The following CUX2 variants were observed in gnomAD, a reference collection of about 807,000 sequenced individuals.
CUX2 encodes the protein homeobox protein cut-like 2.
In CUX2, 40 loss-of-function variants were observed where a neutral mutation model predicts 144.8. The ratio of observed to expected loss-of-function variants is 0.28; its 90% CI spans 0.21 to 0.36. The LOEUF is 0.36. Ranked by LOEUF, CUX2 falls within the 10% of genes least tolerant of loss-of-function variation. CUX2 has a pLI of 1.00. For synonymous variants in CUX2, 827 were observed against 875.6 expected (o/e 0.94, Z 0.98); for missense variants, 1,615 against 1,994.0 (o/e 0.81, Z 3.62).
At chr12:111,228,700 A>G (rs1882307038) in intron 3 of CUX2, among the ~76,000 whole-genome samples, 1 of 152,144 alleles carries the variant, frequency 6.6e-6, no homozygotes, top group South Asian at 2.1e-4. Flanking sequence ...CTAGGATTAC[A>G]GGTGTGAGCC....
rs766267755 is a variant in CUX2 at position 111,322,409 on chromosome 12, C to T, written c.2767-12C>T. The T allele has an allele frequency of 9.0e-6, 14 of 1,549,914 alleles. No homozygotes were observed. Among genetic ancestry groups the T allele is most frequent in the South Asian group, 3.6e-5 (3 of 84,092 alleles). Reference sequence around the variant, plus strand: ...GGCCTGCTGACCTACCCCCCTGGCCCGCCCCTCGCAGGTGCTGGGCCTGTC... The same window carrying T: ...GGCCTGCTGACCTACCCCCCTGGCCTGCCCCTCGCAGGTGCTGGGCCTGTC... On this transcript the variant is annotated splice_polypyrimidine_tract_variant and intron_variant, in intron 17 of 21. Coordinates refer to ENST00000261726, the MANE Select transcript of CUX2 (RefSeq NM_015267.4). The surrounding 1 kb of genome is among the most constrained non-coding windows in gnomAD (Gnocchi z 4.2).
chr12:111,340,474 C>T (rs567563007), intron 20 of CUX2, among the ~76,000 whole-genome samples: 1 of 152,212 alleles, frequency 6.6e-6, no homozygotes, highest in Admixed American at 6.5e-5. Context: ...TTTGGAAGGC[C>T]AAGGTGGGAG....
At chr12:111,329,772 G>A (rs1430186893) in intron 18 of CUX2, among the ~76,000 whole-genome samples, 1 of 152,116 alleles carries the variant, frequency 6.6e-6, no homozygotes, top group East Asian at 1.9e-4. Flanking sequence ...AGTAGCTGGG[G>A]CTACAGGTGT....
chr12:111,347,118 G>A (rs1215642554), intron 21 of CUX2, among the ~76,000 whole-genome samples: 2 of 152,218 alleles, frequency 1.3e-5, no homozygotes, highest in East Asian at 3.8e-4. Flanking sequence ...AAGAACCGGT[G>A]TGTATTGTAC....
intron 1 of CUX2, among the ~76,000 whole-genome samples, chr12:111,142,136 C>A (rs2136124531): frequency 6.6e-6 from 1 of 152,244 alleles, no homozygotes; most frequent in Middle Eastern, 3.4e-3. Flanking sequence ...TATAGGATGC[C>A]TTTCCTAGCA....
intron 1 of CUX2, among the ~76,000 whole-genome samples, chr12:111,212,515 A>C (rs1265762122): frequency 6.6e-6 from 1 of 152,144 alleles, no homozygotes; most frequent in African/African-American, 2.4e-5. Context: ...CAGCCTCCCA[A>C]GTAGCTTGGA....
intron 14 of CUX2, 130 bp downstream of exon 14, chr12:111,308,656 G>A: frequency 1.3e-6 from 1 of 748,972 alleles, no homozygotes. Context: ...GGTGTGCATT[G>A]ATTTGGCACC....
At position 111,171,819 on chromosome 12, in the gene CUX2, C is replaced by T. The variant is rs1239388603; in HGVS notation, c.64-42381C>T. On this transcript the variant is annotated intron_variant, in intron 1 of 21. Transcript: ENST00000261726. The surrounding 1 kb of genome is among the most constrained non-coding windows in gnomAD (Gnocchi z 5.0). ...GAAGGCAGAGCTTGGGAAATTGGCC[C>T]TCTGTCTTCTCCCATCCAGATATGT... Among the ~76,000 whole-genome samples, 2 of 152,246 alleles carry T rather than the reference C, an allele frequency of 1.3e-5. No individual in the cohort carries two copies. The highest frequency in any genetic ancestry group is 2.9e-5 in the Non-Finnish European group (2 of 68,048).
At chr12:111,063,218 G>T (rs557991566) in intron 1 of CUX2, among the ~76,000 whole-genome samples, 23 of 152,280 alleles carry the variant, frequency 1.5e-4, no homozygotes, top group African/African-American at 5.5e-4. Flanking sequence ...AGATGAGGAG[G>T]GGGTTGAGGG....
In CUX2 at chr12:111,302,998, G is replaced by T. The variant is rs556627026; in HGVS notation, c.754-1212G>T. On this transcript the variant is annotated intron_variant, in intron 9 of 21. Transcript: ENST00000261726. Reference sequence around the variant, plus strand: ...GCACTTTGGGAAGCCAAGGCAAGTGGGTTACTTGAACCCAGGAGTTCAAGA... The same window carrying T: ...GCACTTTGGGAAGCCAAGGCAAGTGTGTTACTTGAACCCAGGAGTTCAAGA... Among the ~76,000 whole-genome samples, 4 of 151,800 alleles carry T rather than the reference G, an allele frequency of 2.6e-5. No individual in the cohort carries two copies. The South Asian group carries it at 8.3e-4, about 31-fold the overall frequency.
intron 1 of CUX2, among the ~76,000 whole-genome samples, chr12:111,181,863 T>C (rs2136181848): frequency 6.6e-6 from 1 of 152,356 alleles, no homozygotes; most frequent in South Asian, 2.1e-4. Flanking sequence ...CTCACTCTTA[T>C]TTCCAGTTAT....
intron 1 of CUX2, among the ~76,000 whole-genome samples, chr12:111,189,301 G>A (rs1466930295): frequency 3.9e-5 from 6 of 152,182 alleles, no homozygotes; most frequent in African/African-American, 1.4e-4. Context: ...AACATTCCCT[G>A]CTACCCAGAA....
chr12:111,149,838 G>T (rs1363705490), intron 1 of CUX2, among the ~76,000 whole-genome samples: 2 of 152,118 alleles, frequency 1.3e-5, no homozygotes, highest in African/African-American at 2.4e-5. Flanking sequence ...TTTTGGCCTA[G>T]GCTAGGCACA....
In CUX2 at chr12:111,312,113, G is replaced by A. The variant is rs575614068; in HGVS notation, c.1914G>A (p.Pro638=). ...TTGCCTCCCCAGGCAGCATCACCCCGAGAATCCGCACGCCTGAGACAGGCT... is the reference window on the plus strand; with the variant it reads ...TTGCCTCCCCAGGCAGCATCACCCCAAGAATCCGCACGCCTGAGACAGGCT... ...IQVRQRGSIT[P]RIRTPETGSD... The change falls in exon 16 of 22, where the codon CCG becomes CCA. Residue 638 remains proline (P), a synonymous_variant. Transcript: ENST00000261726. The surrounding 1 kb of genome is among the most constrained non-coding windows in gnomAD (Gnocchi z 4.3). 2.9e-5 allele frequency: 47 copies of A among 1,610,274 alleles called. No individual in the cohort carries two copies. In the African/African-American group the frequency reaches 4.3e-4, roughly 15 times the overall value.
At chr12:111,262,915 AGGTGTCACC>A (rs1162098634) in intron 3 of CUX2, among the ~76,000 whole-genome samples, 1 of 152,234 alleles carries the variant, frequency 6.6e-6, no homozygotes, top group African/African-American at 2.4e-5. Flanking sequence ...GAAGAATAAC[AGGTGTCACC>A]AACACACCGT....
intron 16 of CUX2, among the ~76,000 whole-genome samples, chr12:111,316,297 C>T (rs1343062002): frequency 7.1e-6 from 1 of 141,400 alleles, no homozygotes; most frequent in Non-Finnish European, 1.5e-5. Context: ...TGCCACCACG[C>T]CCGGTTAATT....
intron 4 of CUX2, among the ~76,000 whole-genome samples, chr12:111,275,460 G>A (rs903458044): frequency 1.2e-4 from 18 of 152,226 alleles, no homozygotes; most frequent in African/African-American, 4.3e-4. Context: ...ACCCCTGCGT[G>A]GGGCTGGCAG....
At chr12:111,314,751 G>A (rs1394943418) in intron 16 of CUX2, among the ~76,000 whole-genome samples, 33 of 151,780 alleles carry the variant, frequency 2.2e-4, no homozygotes, top group Admixed American at 2.1e-3. Context: ...GGCTGAGGCA[G>A]GAGGATCACC....
intron 3 of CUX2, among the ~76,000 whole-genome samples, chr12:111,236,553 T>G (rs1038845492): frequency 6.6e-6 from 1 of 152,122 alleles, no homozygotes; most frequent in African/African-American, 2.4e-5. Context: ...ACATGGAGTG[T>G]CAGGTCCAGC....
Sources: allele counts gnomAD v4.1 joint callset (sites outside exome capture counted in the v4.1 genomes callset), GRCh38; gene constraint gnomAD v4.1.1; non-coding constraint Gnocchi (gnomAD v3.1); transcripts MANE v1.5; gene names NCBI Gene and HGNC (gene_info 2026-07-23, HGNC 2026-07-21).